UNC79: variants seen among roughly 807,000 people sequenced by gnomAD.
The protein encoded by UNC79 is unc-79 subunit of NALCN channel complex, also known as protein unc-79 homolog.
Under a neutral mutation model 283.1 loss-of-function variants are expected in UNC79, and 37 were observed. That is an observed-to-expected ratio of 0.13 (90% CI 0.10 to 0.17). The LOEUF is 0.17. Ranked by LOEUF, UNC79 falls within the 10% of genes least tolerant of loss-of-function variation. UNC79 has a pLI of 1.00. For missense variants in UNC79, 2,272 were observed against 3,211.1 expected (o/e 0.71, Z 7.07); for synonymous variants, 1,107 against 1,200.2 (o/e 0.92, Z 1.61).
intron 30 of UNC79, among the ~76,000 whole-genome samples, chr14:93,626,411 G>T (rs1436389098): frequency 6.6e-6 from 1 of 152,088 alleles, no homozygotes; most frequent in Non-Finnish European, 1.5e-5. Flanking sequence ...GCTTACTCAA[G>T]AATATAGGCC....
chr14:93,423,813 C>T (rs767966451), intron 1 of UNC79, among the ~76,000 whole-genome samples: 5 of 152,098 alleles, frequency 3.3e-5, no homozygotes, highest in African/African-American at 9.7e-5. Flanking sequence ...GCAAAGATTT[C>T]CTGAGTAATA....
At chr14:93,684,743 A>T (rs887641308) in intron 42 of UNC79, among the ~76,000 whole-genome samples, 2 of 152,206 alleles carry the variant, frequency 1.3e-5, no homozygotes, top group Non-Finnish European at 2.9e-5. Flanking sequence ...GTATTTTCCA[A>T]ATTTCCTATA....
intron 1 of UNC79, among the ~76,000 whole-genome samples, chr14:93,411,044 T>C (rs2055325804): frequency 6.6e-6 from 1 of 151,966 alleles, no homozygotes; most frequent in Non-Finnish European, 1.5e-5. Context: ...CTGGATGGCA[T>C]TTTTGGGTCT....
chr14:93,672,086 G>A (rs2072924435), intron 40 of UNC79, among the ~76,000 whole-genome samples: 1 of 152,140 alleles, frequency 6.6e-6, no homozygotes, highest in South Asian at 2.1e-4. Context: ...CCTGTTGGTA[G>A]GAATTTAAAT....
intron 14 of UNC79, among the ~76,000 whole-genome samples, chr14:93,548,756 T>C (rs1001648651): frequency 5.3e-5 from 8 of 152,252 alleles, no homozygotes; most frequent in Admixed American, 3.9e-4. Flanking sequence ...CTTTTTCCTG[T>C]AACAAAACCA....
At chr14:93,529,413 A>G (rs2060698510) in intron 10 of UNC79, 87 bp downstream of exon 10, 1 of 1,432,730 alleles carries the variant, frequency 7.0e-7, no homozygotes, top group Non-Finnish European at 9.7e-7. Context: ...ATTTTATTTT[A>G]CAAAGACAGT....
chr14:93,407,881 A>G (rs1017833142), intron 1 of UNC79, among the ~76,000 whole-genome samples: 4 of 152,184 alleles, frequency 2.6e-5, no homozygotes, highest in Admixed American at 6.5e-5. Flanking sequence ...GGGAAACTCA[A>G]ATTGAACAAG....
chr14:93,607,239 G>A (rs1053903056), intron 26 of UNC79, among the ~76,000 whole-genome samples: 1 of 152,152 alleles, frequency 6.6e-6, no homozygotes, highest in Admixed American at 6.6e-5. Flanking sequence ...TGAACTAATG[G>A]TATCAATCCC....
At chr14:93,692,296 C>T (rs988831384) in intron 46 of UNC79, among the ~76,000 whole-genome samples, 2 of 152,018 alleles carry the variant, frequency 1.3e-5, no homozygotes, top group Admixed American at 6.6e-5. Context: ...CTTGATTTAG[C>T]CATTCCACAA....
chr14:93,479,478 A>G (rs931341014), intron 4 of UNC79, among the ~76,000 whole-genome samples: 20 of 151,804 alleles, frequency 1.3e-4, no homozygotes, highest in Non-Finnish European at 1.8e-4. Context: ...TTGTATTTTT[A>G]GTAGAGATGG....
chr14:93,411,707 G>A (rs1382456595), intron 1 of UNC79, among the ~76,000 whole-genome samples: 1 of 152,236 alleles, frequency 6.6e-6, no homozygotes, highest in Non-Finnish European at 1.5e-5. Context: ...GTACCTGTAT[G>A]AGTCTGTGAG....
chr14:93,387,855 T>C (rs1427268369), intron 1 of UNC79, among the ~76,000 whole-genome samples: 1 of 152,246 alleles, frequency 6.6e-6, no homozygotes, highest in African/African-American at 2.4e-5. Context: ...CCAGCTATTA[T>C]TGTATTGGAG....
At chr14:93,550,860 C>A (rs902861616) in intron 14 of UNC79, among the ~76,000 whole-genome samples, 1 of 152,002 alleles carries the variant, frequency 6.6e-6, no homozygotes, top group Non-Finnish European at 1.5e-5. Context: ...ATGTTACAGA[C>A]CACAGGCTCC....
chr14:93,656,697 G>T (rs2070973360), intron 38 of UNC79, among the ~76,000 whole-genome samples: 1 of 152,022 alleles, frequency 6.6e-6, no homozygotes, highest in Non-Finnish European at 1.5e-5. Flanking sequence ...AATTAGCCAG[G>T]CGTAATGGCA....
intron 27 of UNC79, among the ~76,000 whole-genome samples, chr14:93,615,215 T>G (rs2139810585): frequency 6.6e-6 from 1 of 152,264 alleles, no homozygotes; most frequent in East Asian, 1.9e-4. Flanking sequence ...CAATAGATGA[T>G]TGCTGTTATT....
intron 40 of UNC79, among the ~76,000 whole-genome samples, chr14:93,666,579 C>T (rs2072225892): frequency 1.3e-5 from 2 of 152,076 alleles, no homozygotes; most frequent in Non-Finnish European, 2.9e-5. Context: ...AAAAATTACA[C>T]AGAGCTAATA....
intron 26 of UNC79, among the ~76,000 whole-genome samples, chr14:93,607,633 A>G (rs948682322): frequency 6.6e-6 from 1 of 152,200 alleles, no homozygotes; most frequent in Non-Finnish European, 1.5e-5. Context: ...CCAGACCAAA[A>G]GACTTTGCCA....
At chr14:93,667,575 C>G (rs2072353680) in intron 40 of UNC79, among the ~76,000 whole-genome samples, 1 of 152,156 alleles carries the variant, frequency 6.6e-6, no homozygotes. Context: ...CCCTCAAAAA[C>G]TATTCCAGCT....
chr14:93,400,710 TC>T (rs2055091625), intron 1 of UNC79, among the ~76,000 whole-genome samples: 3 of 152,102 alleles, frequency 2.0e-5, no homozygotes, highest in Admixed American at 1.3e-4. Context: ...TTACTCTAAA[TC>T]ATGCTGGGAG....
Sources: gnomAD v4.1 joint callset for allele counts (sites outside exome capture counted in the v4.1 genomes callset) on GRCh38, gnomAD v4.1.1 for gene constraint, MANE v1.5 for transcripts, NCBI Gene and HGNC (gene_info 2026-07-23, HGNC 2026-07-21) for gene names.